MIA2: variants seen among roughly 807,000 people sequenced by gnomAD.
MIA2 encodes melanoma inhibitory activity protein 2.
MIA2 carries 127 observed loss-of-function variants against 167.8 expected under a neutral mutation model. That is an observed-to-expected ratio of 0.76 (90% CI 0.66 to 0.88). The LOEUF (loss-of-function observed/expected upper bound fraction) is 0.88, where lower values mean the gene tolerates loss of function less well. Ranked by LOEUF, MIA2 falls within the 40% of genes least tolerant of loss-of-function variation. The pLI, the probability that MIA2 is intolerant of heterozygous loss-of-function variation, is 0.00. For missense variants in MIA2, 1,690 were observed against 1,624.7 expected (o/e 1.04, Z -0.69); for synonymous variants, 552 against 541.9 (o/e 1.02, Z -0.26).
At chr14:39,326,823 T>G in intron 24 of MIA2, 41 bp from the exon 25 acceptor site, 1 of 1,529,444 alleles carries the variant, frequency 6.5e-7, no homozygotes, top group Non-Finnish European at 8.7e-7. Context: ...TAAGACTTTT[T>G]AAGATGAAAC....
chr14:39,265,403 G>T (rs753303013), intron 6 of MIA2: 2 of 1,610,744 alleles, frequency 1.2e-6, no homozygotes, highest in South Asian at 2.2e-5. Flanking sequence ...AAATGGAATT[G>T]AAAAGTCCAG....
intron 2 of MIA2, among the ~76,000 whole-genome samples, chr14:39,239,327 C>T (rs781700990): frequency 1.3e-5 from 2 of 152,102 alleles, no homozygotes; most frequent in African/African-American, 2.4e-5. Context: ...AGGAGGAACA[C>T]TTGAGACCAA....
intron 9 of MIA2, among the ~76,000 whole-genome samples, chr14:39,282,073 A>G (rs1414214030): frequency 6.6e-6 from 1 of 152,092 alleles, no homozygotes; most frequent in African/African-American, 2.4e-5. Context: ...TTCTCAGTCA[A>G]GTCTTGTCCG....
In MIA2 at chr14:39,328,345, C is replaced by T. The variant is rs568732513; in HGVS notation, c.3655+1323C>T. On this transcript the variant is annotated intron_variant, in intron 25 of 28. Transcript: ENST00000640607. Reference sequence around the variant, plus strand: ...GCTTTTTTCTTGTAAATTTAAGTTGCTTGTAGATTGTGGATATTAGCCCTT... The same window carrying T: ...GCTTTTTTCTTGTAAATTTAAGTTGTTTGTAGATTGTGGATATTAGCCCTT... Among the ~76,000 whole-genome samples the T allele has an allele frequency of 2.0e-5, 3 of 151,370 alleles. No individual in the cohort carries two copies. In the South Asian group the frequency reaches 6.3e-4, roughly 32 times the overall value.
intron 13 of MIA2, 102 bp from the exon 14 acceptor site, chr14:39,299,759 TAGG>T (rs1004098930): frequency 8.2e-6 from 10 of 1,214,570 alleles, no homozygotes; most frequent in Middle Eastern, 5.9e-4. Context: ...TCTTTGAAAA[TAGG>T]AGCCATGTTT....
At chr14:39,372,810 A>T (rs967169420) in intron 23 of MIA2, among the ~76,000 whole-genome samples, 6 of 152,226 alleles carry the variant, frequency 3.9e-5, no homozygotes, top group Non-Finnish European at 8.8e-5. Flanking sequence ...TGAATGTAAC[A>T]TATCTGGAGT....
chr14:39,274,291 A>G (rs899429246), intron 6 of MIA2, among the ~76,000 whole-genome samples: 2 of 152,224 alleles, frequency 1.3e-5, no homozygotes, highest in Admixed American at 1.3e-4. Context: ...TGTTCTTTCT[A>G]TGTTTTTGTG....
Position 39,381,667 on chromosome 14 carries a change from G to GTTTT in MIA2, c.2249-5210_2249-5207dup, listed in dbSNP as rs398057014. On this transcript the variant is annotated intron_variant, in intron 23 of 23. Coordinates refer to the MIA2 transcript ENST00000341502. The stretch of plus-strand genomic sequence containing the variant: ...GTCAATCTTTTTTCTTTTGCTGGCT[G>GTTTT]TTTTTTTTTTTCTTTTTCTTTTTTT... 1.7e-3 allele frequency among the ~76,000 whole-genome samples: 249 copies of GTTTT among 145,298 alleles called. 4 individuals are homozygous for GTTTT. The highest frequency in any genetic ancestry group is 3.2e-3 in the East Asian group (16 of 4,944).
At chr14:39,340,274 A>G (rs2071494973) in intron 25 of MIA2, among the ~76,000 whole-genome samples, 1 of 152,240 alleles carries the variant, frequency 6.6e-6, no homozygotes, top group Non-Finnish European at 1.5e-5. Flanking sequence ...ATGTAAGCAT[A>G]GCAAAGAGAC....
intron 4 of MIA2, 99 bp from the exon 5 acceptor site, chr14:39,252,649 T>C (rs964716066): frequency 1.2e-6 from 1 of 807,266 alleles, no homozygotes; most frequent in Non-Finnish European, 2.0e-6. Context: ...CATAATGACC[T>C]ACAAAAGTTC....
Position 39,318,002 on chromosome 14 carries a change from A to G in MIA2, c.3275A>G (p.Asn1092Ser), listed in dbSNP as rs781138220. The G allele has an allele frequency of 2.5e-6, 4 of 1,582,914 alleles. No homozygotes were observed. Among genetic ancestry groups the G allele is most frequent in the Admixed American group, 1.9e-5 (1 of 53,852 alleles). The stretch of plus-strand genomic sequence containing the variant: ...GATTTAAGGAAAGAAAATGCTCACA[A>G]CAGACAAAAGTAAGTATCTTAGTGG... ...LNDLRKENAH[N>S]RQKLTETELK... Residue 1092 changes from asparagine (N) to serine (S), a missense_variant, in exon 22 of 29, where the codon AAC becomes AGC. By Grantham distance (46) the Asn-to-Ser change is conservative. Coordinates refer to ENST00000640607, the MANE Select transcript of MIA2 (RefSeq NM_001329214.4).
At chr14:39,282,497 A>G (rs2059096965) in intron 9 of MIA2, among the ~76,000 whole-genome samples, 2 of 152,300 alleles carry the variant, frequency 1.3e-5, no homozygotes, top group East Asian at 1.9e-4. Flanking sequence ...TATAACAAAA[A>G]TCATGAATGC....
chr14:39,301,937 G>T (rs904957088), intron 14 of MIA2, among the ~76,000 whole-genome samples, 192 bp from the exon 15 acceptor site: 1 of 152,094 alleles, frequency 6.6e-6, no homozygotes, highest in African/African-American at 2.4e-5. Context: ...GCTTTTACTT[G>T]CAGAGTTTAA....
intron 16 of MIA2, 86 bp downstream of exon 16, chr14:39,303,610 C>A: frequency 1.1e-6 from 1 of 885,342 alleles, no homozygotes; most frequent in Non-Finnish European, 1.8e-6. Flanking sequence ...TTAAAAAGTC[C>A]ATTTTATTGT....
chr14:39,352,929 T>G (rs866616150), downstream of MIA2, among the ~76,000 whole-genome samples: 1 of 152,198 alleles, frequency 6.6e-6, no homozygotes, highest in African/African-American at 2.4e-5. Context: ...ATATTGTTAT[T>G]AGGGTCTTCA....
intron 25 of MIA2, among the ~76,000 whole-genome samples, chr14:39,344,933 TG>T (rs1425567766): frequency 6.6e-6 from 1 of 152,174 alleles, no homozygotes; most frequent in African/African-American, 2.4e-5. Flanking sequence ...AAATCACCCC[TG>T]GGGACAAAGG....
At chr14:39,286,863 T>TTC (rs2059882636) in intron 9 of MIA2, among the ~76,000 whole-genome samples, 1 of 77,668 alleles carries the variant, frequency 1.3e-5, no homozygotes. Context: ...CTGGCTATTT[T>TTC]TCTGTGTGTG....
chr14:39,351,523 G>T (rs1195016312), downstream of MIA2: 1 of 152,182 alleles, frequency 6.6e-6, no homozygotes, highest in South Asian at 2.1e-4. Flanking sequence ...AAATTCTTAT[G>T]TTGAAATACT....
downstream of MIA2, among the ~76,000 whole-genome samples, chr14:39,354,919 T>C (rs547793475): frequency 6.6e-3 from 1,004 of 152,164 alleles, 8 homozygotes; most frequent in Non-Finnish European, 9.5e-3. Flanking sequence ...CATTGATCTA[T>C]ATCTCTGTTT....
Sources: allele counts gnomAD v4.1 joint callset (sites outside exome capture counted in the v4.1 genomes callset), GRCh38; gene constraint gnomAD v4.1.1; transcripts MANE v1.5; gene names NCBI Gene and HGNC (gene_info 2026-07-23, HGNC 2026-07-21).